PCDHGB6: variants seen among roughly 807,000 people sequenced by gnomAD.
The protein encoded by PCDHGB6 is protocadherin gamma subfamily B, 6.
In PCDHGB6, 51 loss-of-function variants were observed where a neutral mutation model predicts 59.1. The observed-to-expected ratio is 0.86, with a 90% CI of 0.69 to 1.09. The LOEUF (loss-of-function observed/expected upper bound fraction) is 1.09. Ranked by LOEUF, PCDHGB6 falls within the 50% of genes least tolerant of loss-of-function variation. PCDHGB6 has a pLI of 0.00. For missense variants in PCDHGB6, 1,148 were observed against 1,205.1 expected (o/e 0.95, Z 0.70); for synonymous variants, 466 against 495.1 (o/e 0.94, Z 0.78).
chr5:141,427,694 A>T (rs758628764), intron 1 of PCDHGB6: 2 of 913,932 alleles, frequency 2.2e-6, no homozygotes, highest in Non-Finnish European at 3.5e-6. Context: ...CCTCCATCCC[A>T]CAAGTCAGCG....
At position 141,512,350 on chromosome 5, in the gene PCDHGB6, G is replaced by C. The variant is rs1406428686; in HGVS notation, c.*1177G>C. ...CCATTCTTAGTCCCTGGGTTGGGGA[G>C]GCAGGGAGCTAGGGCAGGGACCAAA... is the stretch of plus-strand genomic sequence containing the variant. On this transcript the variant is annotated 3_prime_UTR_variant, in exon 4 of 4. Transcript: ENST00000520790. The C allele has an allele frequency of 6.5e-6, 1 of 152,906 alleles. No homozygotes were observed. The highest frequency in any genetic ancestry group is 1.9e-4 in the East Asian group (1 of 5,208). 9.5% of individuals were successfully genotyped at this position (152,906 alleles called of 1,614,324 possible).
At chr5:141,464,091 T>G (rs2099075583) in intron 1 of PCDHGB6, among the ~76,000 whole-genome samples, 1 of 151,812 alleles carries the variant, frequency 6.6e-6, no homozygotes, top group African/African-American at 2.4e-5. Flanking sequence ...ATGGTGAAAC[T>G]CCGTCTCTAC....
chr5:141,465,611 C>T (rs1393170181), intron 1 of PCDHGB6, among the ~76,000 whole-genome samples: 1 of 152,178 alleles, frequency 6.6e-6, no homozygotes, highest in African/African-American at 2.4e-5. Context: ...CTCTTTGGCC[C>T]TCCAGGAAGT....
chr5:141,483,213 C>T (rs1343903817), intron 1 of PCDHGB6, among the ~76,000 whole-genome samples: 1 of 152,142 alleles, frequency 6.6e-6, no homozygotes, highest in Non-Finnish European at 1.5e-5. Flanking sequence ...ATATAGATGA[C>T]AGTCACTGCA....
Position 141,491,445 on chromosome 5 carries a change from C to G in PCDHGB6, c.2419-3362C>G. ...GAGGGCAGTGCTGCAGGCGCCAGGACTCACCCTCCCCGGACTTCTATAAGC... is the reference window on the plus strand; with the variant it reads ...GAGGGCAGTGCTGCAGGCGCCAGGAGTCACCCTCCCCGGACTTCTATAAGC... On this transcript the variant is annotated intron_variant, in intron 1 of 3. Coordinates refer to ENST00000520790, the MANE Select transcript of PCDHGB6 (RefSeq NM_018926.3). This position sits in a 1 kb window ranked among gnomAD's most constrained non-coding sequence, Gnocchi z 6.9. 6.2e-7 allele frequency: 1 copy of G among 1,614,112 alleles called. No individual in the cohort carries two copies. Among genetic ancestry groups the G allele is most frequent in the Non-Finnish European group, 8.5e-7 (1 of 1,180,032 alleles).
rs2099694919 is a variant in PCDHGB6, at chr5:141,490,016, C to T, written c.2419-4791C>T. The T allele has an allele frequency of 6.2e-7, 1 of 1,614,158 alleles. No individual in the cohort carries two copies. The highest frequency in any genetic ancestry group is 8.5e-7 in the Non-Finnish European group (1 of 1,180,060). On this transcript the variant is annotated intron_variant, in intron 1 of 3. Transcript: ENST00000520790. This position sits in a 1 kb window ranked among gnomAD's most constrained non-coding sequence, Gnocchi z 5.4. ...ATCCCAGAGAATGCACCCATTGGTACTCTGCTGCTCCGCCTCAATGCCACT... is the reference window on the plus strand; with the variant it reads ...ATCCCAGAGAATGCACCCATTGGTATTCTGCTGCTCCGCCTCAATGCCACT...
At chr5:141,467,699 T>A (rs1368755814) in intron 1 of PCDHGB6, among the ~76,000 whole-genome samples, 1 of 152,194 alleles carries the variant, frequency 6.6e-6, no homozygotes, top group Non-Finnish European at 1.5e-5. Context: ...TCTGGCTCTG[T>A]TGCCCAGGCT....
intron 1 of PCDHGB6, chr5:141,412,660 T>C (rs1337663720): frequency 6.6e-6 from 1 of 152,262 alleles, no homozygotes; most frequent in African/African-American, 2.4e-5. Flanking sequence ...ACCTAGACAC[T>C]AATATGACCT....
intron 2 of PCDHGB6, among the ~76,000 whole-genome samples, chr5:141,498,710 T>C (rs2099785302): frequency 1.3e-5 from 2 of 152,108 alleles, no homozygotes. Flanking sequence ...GGTGGGTGGA[T>C]CACCTGAGGT....
At chr5:141,508,029 A>C (rs941166006) in intron 3 of PCDHGB6, 10 of 152,264 alleles carry the variant, frequency 6.6e-5, no homozygotes, top group African/African-American at 2.4e-4. Flanking sequence ...TGCGGTTTGC[A>C]GCTCAGCCAG....
intron 1 of PCDHGB6, among the ~76,000 whole-genome samples, chr5:141,450,666 T>G (rs1434496607): frequency 6.6e-6 from 1 of 151,890 alleles, no homozygotes; most frequent in African/African-American, 2.4e-5. Context: ...TTTGTACTTT[T>G]AGTAGAAACG....
chr5:141,408,444 G>A lies in PCDHGB6; in HGVS notation c.242G>A (p.Ser81Asn), dbSNP rs2095109468. Residue 81 changes from serine to asparagine, a missense_variant, in exon 1 of 4, where the codon AGC (serine) becomes AAC (asparagine). Transcript: ENST00000520790. The part of the protein sequence containing the change: ...EKLHFSVDAE[S>N]GDLLVKNRID... ...CTGCACTTCAGCGTAGACGCGGAGA[G>A]CGGGGACTTACTTGTGAAGAACCGA... is the stretch of plus-strand genomic sequence containing the variant. 10 of 1,613,960 alleles carry A rather than the reference G, an allele frequency of 6.2e-6. No homozygotes were observed. The highest frequency in any genetic ancestry group is 7.6e-6 in the Non-Finnish European group (9 of 1,179,922).
intron 1 of PCDHGB6, among the ~76,000 whole-genome samples, chr5:141,438,591 CAT>C (rs946798767): frequency 2.9e-3 from 219 of 75,538 alleles, no homozygotes; most frequent in Middle Eastern, 0.016. Context: ...TACATACATA[CAT>C]ATATATATAT....
intron 1 of PCDHGB6, among the ~76,000 whole-genome samples, chr5:141,470,483 G>T (rs1163257164): frequency 6.6e-6 from 1 of 152,112 alleles, no homozygotes; most frequent in African/African-American, 2.4e-5. Context: ...CTAACCCTCT[G>T]GGAATAATAT....
At chr5:141,500,840 C>T (rs1394248251) in intron 2 of PCDHGB6, among the ~76,000 whole-genome samples, 1 of 151,966 alleles carries the variant, frequency 6.6e-6, no homozygotes, top group Non-Finnish European at 1.5e-5. Flanking sequence ...TGCTAATGGG[C>T]TTTTGCTACA....
At position 141,460,912 on chromosome 5, in the gene PCDHGB6, G is replaced by GTGTATATA. The variant is rs145509489; in HGVS notation, c.2419-33894_2419-33893insGTATATAT. ...TCGTGGCTGAGTAATATTCCATGGTGTATATATATATATGTGTGTGTGTAT... is the reference window on the plus strand; with the variant it reads ...TCGTGGCTGAGTAATATTCCATGGTGTGTATATATATATATATATATGTGTGTGTGTAT... On this transcript the variant is annotated intron_variant, in intron 1 of 3. Transcript: ENST00000520790. Among the ~76,000 whole-genome samples the GTGTATATA allele has an allele frequency of 5.0e-3, 740 of 149,316 alleles. 4 individuals are homozygous for GTGTATATA. The highest frequency in any genetic ancestry group is 0.015 in the African/African-American group (617 of 40,618).
intron 1 of PCDHGB6, among the ~76,000 whole-genome samples, chr5:141,445,490 C>T (rs1181158971): frequency 6.6e-6 from 1 of 152,134 alleles, no homozygotes; most frequent in Non-Finnish European, 1.5e-5. Flanking sequence ...AGTTAATGGG[C>T]CCTATTCTAA....
In PCDHGB6 at chr5:141,409,875, A is replaced by G; in HGVS notation, c.1673A>G (p.Asn558Ser). Residue 558 changes from asparagine (N) to serine (S), a missense_variant, in exon 1 of 4, where the codon AAC becomes AGC. Asn to Ser is a conservative substitution (Grantham distance 46). This residue lies in a region of PCDHGB6 where 549 missense variants were observed against 527.5 expected (regional missense o/e 1.04). Coordinates refer to ENST00000520790, the MANE Select transcript of PCDHGB6 (RefSeq NM_018926.3). ...GTGTTGGTGGGAGACCGCAATGACA[A>G]CGCACCGCGGGTGCTGTACCCAGCT... ...LRVLVGDRND[N>S]APRVLYPALG... 1 of 1,612,810 alleles carries G rather than the reference A, an allele frequency of 6.2e-7. No homozygotes were observed. Among genetic ancestry groups the G allele is most frequent in the Non-Finnish European group, 8.5e-7 (1 of 1,179,566 alleles).
chr5:141,465,483 A>T (rs1279787337), intron 1 of PCDHGB6, among the ~76,000 whole-genome samples: 1 of 152,236 alleles, frequency 6.6e-6, no homozygotes, highest in Non-Finnish European at 1.5e-5. Flanking sequence ...TCATGAGAGG[A>T]ATGAGCGGGA....
Sources: allele counts gnomAD v4.1 joint callset (sites outside exome capture counted in the v4.1 genomes callset), GRCh38; gene constraint gnomAD v4.1.1; regional missense constraint gnomAD v4.1.1; non-coding constraint Gnocchi (gnomAD v3.1); transcripts MANE v1.5; gene names NCBI Gene and HGNC (gene_info 2026-07-23, HGNC 2026-07-21).